The following ITCH variants were observed in gnomAD, a reference collection of about 807,000 sequenced individuals.
ITCH encodes itchy E3 ubiquitin protein ligase, also known as E3 ubiquitin-protein ligase Itchy homolog.
A neutral mutation model predicts 126.8 loss-of-function variants in ITCH; 28 were observed. The ratio of observed to expected loss-of-function variants is 0.22; its 90% CI spans 0.16 to 0.30. The LOEUF (loss-of-function observed/expected upper bound fraction) is 0.30. ITCH is among the 10% of genes least tolerant of loss of function. The probability of loss-of-function intolerance (pLI) is 1.00; values close to 1 mark genes in which losing one functional copy is unlikely to be tolerated. For missense variants in ITCH, 631 were observed against 1,032.4 expected (o/e 0.61, Z 5.33); for synonymous variants, 342 against 340.0 (o/e 1.01, Z -0.06).
chr20:34,373,894 A>AT (rs1054188809), intron 2 of ITCH, among the ~76,000 whole-genome samples: 3 of 143,626 alleles, frequency 2.1e-5, no homozygotes, highest in South Asian at 2.2e-4. Flanking sequence ...TTTTTTTTTT[A>AT]TTTTTTTTTA....
chr20:34,451,351 T>C (rs1985220356), intron 12 of ITCH, among the ~76,000 whole-genome samples: 2 of 151,026 alleles, frequency 1.3e-5, no homozygotes, highest in Admixed American at 6.6e-5. Context: ...TCCCAGCTAC[T>C]CTTGAGGCTG....
At chr20:34,499,061 G>A (rs981735149) in intron 23 of ITCH, among the ~76,000 whole-genome samples, 1 of 149,408 alleles carries the variant, frequency 6.7e-6, no homozygotes, top group African/African-American at 2.5e-5. Flanking sequence ...TGCAACCTCC[G>A]CCTCACAGGT....
chr20:34,490,078 G>A (rs1989406638), intron 22 of ITCH, 152 bp downstream of exon 22: 1 of 668,784 alleles, frequency 1.5e-6, no homozygotes, highest in East Asian at 2.7e-5. Flanking sequence ...GATTATAACA[G>A]CATCCTTTTA....
At chr20:34,506,656 T>C (rs1990636470) in intron 24 of ITCH, among the ~76,000 whole-genome samples, 1 of 152,168 alleles carries the variant, frequency 6.6e-6, no homozygotes, top group Non-Finnish European at 1.5e-5. Flanking sequence ...CTCCTGTCCA[T>C]GGAAAAATTG....
At position 34,458,584 on chromosome 20, in the gene ITCH, G is replaced by A. The variant is rs1009610762; in HGVS notation, c.1295+1110G>A. On this transcript the variant is annotated intron_variant, in intron 13 of 24. Coordinates refer to ENST00000374864, the MANE Select transcript of ITCH (RefSeq NM_031483.7). ...TAAACCATAGAAATGTATGTCTCAG[G>A]GTTCTGGAGGCTAGAAGCTTGAGAT... 1.7e-4 allele frequency among the ~76,000 whole-genome samples: 26 copies of A among 152,298 alleles called. No individual in the cohort carries two copies. The East Asian group carries it at 5.0e-3, about 29-fold the overall frequency.
At chr20:34,422,733 C>T (rs1406884682) in intron 6 of ITCH, among the ~76,000 whole-genome samples, 1 of 152,048 alleles carries the variant, frequency 6.6e-6, no homozygotes, top group Non-Finnish European at 1.5e-5. Flanking sequence ...TCAGTAAAAT[C>T]CCTCTTGCCT....
At chr20:34,447,599 G>A (rs1016197871) in intron 11 of ITCH, among the ~76,000 whole-genome samples, 10 of 152,052 alleles carry the variant, frequency 6.6e-5, no homozygotes, top group Admixed American at 1.3e-4. Context: ...TAGTTTATCC[G>A]TCCAGGGAGA....
chr20:34,437,128 CAAAAAAAAAAGGAAAAA>C (rs1983112116), intron 7 of ITCH, among the ~76,000 whole-genome samples: 2 of 136,544 alleles, frequency 1.5e-5, no homozygotes. Flanking sequence ...GACGCTGTCT[CAAAAAAAAAAGGAAAAA>C]GAAAAAAACT....
At chr20:34,406,886 G>A (rs1849158784) in intron 3 of ITCH, among the ~76,000 whole-genome samples, 2 of 152,122 alleles carry the variant, frequency 1.3e-5, no homozygotes, top group South Asian at 4.1e-4. Context: ...AACTCCAAGG[G>A]TTCCTTAACT....
intron 6 of ITCH, among the ~76,000 whole-genome samples, chr20:34,418,010 A>G (rs867779879): frequency 8.6e-5 from 13 of 150,908 alleles, no homozygotes; most frequent in African/African-American, 2.9e-4. Flanking sequence ...TCATTTGCCA[A>G]GGGTGGAGTG....
intron 2 of ITCH, among the ~76,000 whole-genome samples, chr20:34,391,971 G>A (rs1601789501): frequency 6.6e-6 from 1 of 152,176 alleles, no homozygotes; most frequent in Non-Finnish European, 1.5e-5. Flanking sequence ...TAGTGGAGAT[G>A]AGCGACTGTT....
intron 7 of ITCH, among the ~76,000 whole-genome samples, chr20:34,426,817 C>T (rs1399777989): frequency 1.3e-5 from 2 of 151,770 alleles, no homozygotes; most frequent in Non-Finnish European, 2.9e-5. Flanking sequence ...CTCTGTCACC[C>T]AGGCTGGAGT....
chr20:34,366,311 C>T (rs1448867976), intron 1 of ITCH, among the ~76,000 whole-genome samples: 1 of 152,076 alleles, frequency 6.6e-6, no homozygotes, highest in African/African-American at 2.4e-5. Context: ...GTGACAGGAC[C>T]TCCAGAGCTC....
intron 16 of ITCH, among the ~76,000 whole-genome samples, chr20:34,472,096 C>A (rs1020628554): frequency 1.3e-5 from 2 of 152,138 alleles, no homozygotes; most frequent in Non-Finnish European, 2.9e-5. Flanking sequence ...AATTTACTCG[C>A]TGGGCACGGT....
intron 12 of ITCH, among the ~76,000 whole-genome samples, chr20:34,454,185 T>C (rs1188901598): frequency 6.7e-6 from 1 of 149,608 alleles, no homozygotes; most frequent in Non-Finnish European, 1.5e-5. Context: ...TCGCCCAGGC[T>C]GGAGTGCAGT....
chr20:34,471,937 A>C (rs542839599), intron 16 of ITCH, among the ~76,000 whole-genome samples: 1 of 152,282 alleles, frequency 6.6e-6, no homozygotes, highest in Admixed American at 6.5e-5. Context: ...TTGTTTTAAC[A>C]CTTCAGTATT....
intron 17 of ITCH, among the ~76,000 whole-genome samples, chr20:34,478,693 G>A (rs543477870): frequency 6.6e-6 from 1 of 152,094 alleles, no homozygotes; most frequent in Non-Finnish European, 1.5e-5. Flanking sequence ...GTGTCTTTGT[G>A]TGCACGCTAA....
intron 23 of ITCH, among the ~76,000 whole-genome samples, chr20:34,503,705 T>C (rs533160430): frequency 7.5e-4 from 114 of 152,224 alleles, no homozygotes; most frequent in Admixed American, 1.8e-3. Context: ...TGAAACTGCA[T>C]TTTCTCCTTT....
chr20:34,469,335 C>G (rs1240237412), intron 14 of ITCH, among the ~76,000 whole-genome samples: 2 of 151,932 alleles, frequency 1.3e-5, no homozygotes, highest in African/African-American at 2.4e-5. Flanking sequence ...GTCACCCTTG[C>G]TGGAGTGCAG....
Sources: allele counts gnomAD v4.1 joint callset (sites outside exome capture counted in the v4.1 genomes callset), GRCh38; gene constraint gnomAD v4.1.1; transcripts MANE v1.5; gene names NCBI Gene and HGNC (gene_info 2026-07-23, HGNC 2026-07-21).